The following EIF2D variants were observed in gnomAD, a reference collection of about 807,000 sequenced individuals.
The protein encoded by EIF2D is hepatocellular carcinoma-associated antigen 56.
In EIF2D, 56 loss-of-function variants were observed where a neutral mutation model predicts 77.4. The ratio of observed to expected loss-of-function variants is 0.72; its 90% CI spans 0.58 to 0.90. The LOEUF (loss-of-function observed/expected upper bound fraction) is 0.90. EIF2D is among the 40% of genes least tolerant of loss of function. The pLI, the probability that EIF2D is intolerant of heterozygous loss-of-function variation, is 0.00. For missense variants in EIF2D, 574 were observed against 706.5 expected (o/e 0.81, Z 2.13); for synonymous variants, 230 against 271.0 (o/e 0.85, Z 1.49).
At chr1:206,569,893 G>A (rs1460178048), downstream of EIF2D, among the ~76,000 whole-genome samples, 1 of 152,124 alleles carries the variant, frequency 6.6e-6, no homozygotes, top group Non-Finnish European at 1.5e-5. Context: ...TGGTCTTGGA[G>A]GGCTTGGCGT....
intron 6 of EIF2D, 68 bp from the exon 7 acceptor site, chr1:206,602,521 C>T: frequency 2.2e-6 from 3 of 1,394,726 alleles, no homozygotes; most frequent in South Asian, 1.2e-5. Context: ...AGAAAACGAC[C>T]CCCAGCTTCA....
At chr1:206,574,830 G>A (rs922890427) in intron 4 of EIF2D, among the ~76,000 whole-genome samples, 1 of 148,366 alleles carries the variant, frequency 6.7e-6, no homozygotes, top group Non-Finnish European at 1.5e-5. Context: ...ATTTGGTTGA[G>A]ACCATCACAA....
At chr1:206,607,791 A>G (rs1670272406) in intron 4 of EIF2D, among the ~76,000 whole-genome samples, 1 of 152,188 alleles carries the variant, frequency 6.6e-6, no homozygotes, top group South Asian at 2.1e-4. Context: ...GAGAAAGAAG[A>G]TATCAGTGAA....
chr1:206,569,581 T>A (rs1668384517), downstream of EIF2D, among the ~76,000 whole-genome samples: 1 of 152,250 alleles, frequency 6.6e-6, no homozygotes, highest in Non-Finnish European at 1.5e-5. Flanking sequence ...CACCTCAGTC[T>A]GCTGGCCCTG....
At chr1:206,590,851 G>C (rs1669319757), downstream of EIF2D, among the ~76,000 whole-genome samples, 1 of 152,182 alleles carries the variant, frequency 6.6e-6, no homozygotes, top group Non-Finnish European at 1.5e-5. Flanking sequence ...CAAAAACTCA[G>C]GGAATTTAGC....
chr1:206,587,995 A>C (rs1436908680), downstream of EIF2D: 1 of 152,928 alleles, frequency 6.5e-6, no homozygotes, highest in East Asian at 1.9e-4. Flanking sequence ...GGTGCTGCCC[A>C]AGGAGTTGCC....
intron 5 of EIF2D, chr1:206,605,196 C>A: frequency 2.2e-6 from 1 of 455,486 alleles, no homozygotes; most frequent in Non-Finnish European, 3.9e-6. Flanking sequence ...CTATAATTCA[C>A]TTAGAAAATA....
chr1:206,603,249 C>A (rs781836404), intron 5 of EIF2D, 45 bp from the exon 6 acceptor site: 6 of 1,592,466 alleles, frequency 3.8e-6, no homozygotes, highest in Non-Finnish European at 5.1e-6. Flanking sequence ...AGCTCCAATA[C>A]TCTCCAGCCC....
chr1:206,600,495 T>C (rs555861234), intron 7 of EIF2D, 187 bp from the exon 8 acceptor site: 13 of 559,408 alleles, frequency 2.3e-5, no homozygotes, highest in Non-Finnish European at 3.5e-5. Context: ...TCTAAATCAG[T>C]GCTGTTCAAG....
chr1:206,595,466 A>C lies in EIF2D; in HGVS notation c.1509+252T>G, dbSNP rs565449884. ...AGTTCTAAGAAAAAAATGAAAATAC[A>C]ATCTTGTTTACTTTTGGAACCAGGC... is the stretch of plus-strand genomic sequence containing the variant. On this transcript the variant is annotated intron_variant, in intron 13 of 14. Coordinates refer to ENST00000271764, the MANE Select transcript of EIF2D (RefSeq NM_006893.3). 4.4e-4 allele frequency: 132 copies of C among 300,036 alleles called. 3 individuals are homozygous for C. The South Asian group carries it at 0.014, about 31-fold the overall frequency. 18.6% of individuals were successfully genotyped at this position (300,036 alleles called of 1,614,324 possible).
intron 2 of EIF2D, among the ~76,000 whole-genome samples, chr1:206,582,730 T>C (rs2103568900): frequency 6.6e-6 from 1 of 152,354 alleles, no homozygotes; most frequent in East Asian, 1.9e-4. Context: ...GACTGGTCTC[T>C]ATGTGTCCTT....
chr1:206,601,532 C>CT (rs1553411279), intron 7 of EIF2D: 1 of 152,170 alleles, frequency 6.6e-6, no homozygotes, highest in Non-Finnish European at 1.5e-5. Context: ...GATCACGCCA[C>CT]TGTACTCCAG....
downstream of EIF2D, among the ~76,000 whole-genome samples, chr1:206,589,781 C>T (rs1669283336): frequency 6.6e-6 from 1 of 152,154 alleles, no homozygotes; most frequent in South Asian, 2.1e-4. Flanking sequence ...TCTCAGTAAT[C>T]ATGGAAATAA....
At chr1:206,585,222 T>C in intron 2 of EIF2D, 1 of 1,614,172 alleles carries the variant, frequency 6.2e-7, no homozygotes, top group Non-Finnish European at 8.5e-7. Flanking sequence ...CCCCTCTACC[T>C]GCGCCTGCTT....
At chr1:206,595,538 G>C in intron 13 of EIF2D, 180 bp downstream of exon 13, 2 of 556,434 alleles carry the variant, frequency 3.6e-6, no homozygotes, top group Non-Finnish European at 5.8e-6. Flanking sequence ...GTGAGTGAGC[G>C]GGGTCAGCTT....
intron 3 of EIF2D, among the ~76,000 whole-genome samples, chr1:206,608,653 C>T (rs1237921310): frequency 6.6e-6 from 1 of 152,328 alleles, no homozygotes; most frequent in Non-Finnish European, 1.5e-5. Flanking sequence ...CTTCACCCAT[C>T]CAATAGCAGG....
chr1:206,611,107 A>G (rs1352491240), intron 2 of EIF2D, 77 bp downstream of exon 2: 6 of 1,381,134 alleles, frequency 4.3e-6, no homozygotes, highest in African/African-American at 2.9e-5. Flanking sequence ...ATGGGAGACA[A>G]TGGAAGAAAC....
At chr1:206,586,823 C>CA (rs1296093578), downstream of EIF2D, 4 of 1,611,156 alleles carry the variant, frequency 2.5e-6, no homozygotes, top group African/African-American at 5.3e-5. Flanking sequence ...TCTCGCCTCA[C>CA]AGTGGGATGC....
exon 3 of EIF2D, chr1:206,580,976 A>T (rs1243143058): frequency 6.6e-6 from 1 of 152,236 alleles, no homozygotes; most frequent in African/African-American, 2.4e-5. Context: ...CCCGCAGCAC[A>T]GAGTTTCAGT....
Sources: gnomAD v4.1 joint callset for allele counts (sites outside exome capture counted in the v4.1 genomes callset) on GRCh38, gnomAD v4.1.1 for gene constraint, MANE v1.5 for transcripts, NCBI Gene and HGNC (gene_info 2026-07-23, HGNC 2026-07-21) for gene names.